TMPRSS9: variants seen among roughly 807,000 people sequenced by gnomAD.
The protein encoded by TMPRSS9 is transmembrane protease serine 9.
TMPRSS9 carries 113 observed loss-of-function variants against 111.4 expected under a neutral mutation model. The ratio of observed to expected loss-of-function variants is 1.01; its 90% CI spans 0.87 to 1.19. TMPRSS9 has a LOEUF of 1.19. TMPRSS9 is among the 50% of genes most tolerant of loss of function. TMPRSS9 has a pLI of 0.00. For synonymous variants in TMPRSS9, 805 were observed against 659.1 expected, an observed-to-expected ratio of 1.22 and a Z score of -3.39; for missense variants, 1,803 against 1,513.1, an observed-to-expected ratio of 1.19 and a Z score of -3.18.
chr19:2,406,382 A>G (rs1187931373), intron 7 of TMPRSS9, among the ~76,000 whole-genome samples: 1 of 150,788 alleles, frequency 6.6e-6, no homozygotes, highest in Non-Finnish European at 1.5e-5. Context: ...GCTGGAGTGC[A>G]GTGGTGCGAT....
chr19:2,418,262 CCTTGT>C (rs2145390950), intron 13 of TMPRSS9, 124 bp downstream of exon 14: 1 of 1,124,396 alleles, frequency 8.9e-7, no homozygotes, highest in Non-Finnish European at 1.2e-6. Context: ...CTCCTTCCCT[CCTTGT>C]CCTTCCCTCC....
chr19:2,360,449 G>A (rs1244363832), intron 1 of TMPRSS9, among the ~76,000 whole-genome samples, 89 bp downstream of exon 1: 3 of 152,204 alleles, frequency 2.0e-5, no homozygotes. Context: ...GGGCTGTTTG[G>A]TTGCCTCTGG....
chr19:2,396,511 C>A, intron 1 of TMPRSS9, 28 bp from the exon 3 acceptor site: 1 of 1,569,474 alleles, frequency 6.4e-7, no homozygotes, highest in Non-Finnish European at 8.7e-7. Flanking sequence ...AAGGTGGGCT[C>A]TCTCACGGGC....
At chr19:2,417,755 T>TA (rs1971283723) in intron 12 of TMPRSS9, among the ~76,000 whole-genome samples, 1 of 152,170 alleles carries the variant, frequency 6.6e-6, no homozygotes, top group South Asian at 2.1e-4. Context: ...AATGGCCTCC[T>TA]ACACCTTACC....
In TMPRSS9 at chr19:2,374,248, C is replaced by CTTTTTTTTT. The variant is rs1027376774; in HGVS notation, c.-26+13917_-26+13925dup. ...TTTCATGCTGATTTCTCTCAACAAT[C>CTTTTTTTTT]TTTTTTTTTTTTTTTTTTTTTTTTT... is the stretch of plus-strand genomic sequence containing the variant. On this transcript the variant is annotated intron_variant, in intron 1 of 17. Transcript: ENST00000649857. 9.9e-5 allele frequency among the ~76,000 whole-genome samples: 7 copies of CTTTTTTTTT among 70,398 alleles called. 1 individual carries two copies. The highest frequency in any genetic ancestry group is 1.4e-4 in the Non-Finnish European group (5 of 36,544). The allele number at this position is 70,398 out of a possible 152,430, so 46.2% of individuals were successfully genotyped here.
At chr19:2,365,544 G>C (rs1970241224) in intron 1 of TMPRSS9, among the ~76,000 whole-genome samples, 1 of 152,048 alleles carries the variant, frequency 6.6e-6, no homozygotes, top group East Asian at 1.9e-4. Flanking sequence ...GACCAAAGAT[G>C]CGGAATCGAA....
exon 5 of TMPRSS9, chr19:2,402,003 A>C: frequency 6.2e-7 from 1 of 1,612,110 alleles, no homozygotes. Context: ...TGGCAGAAAG[A>C]GACTTCAAAT....
At chr19:2,425,326 C>T (rs1230684767) in intron 16 of TMPRSS9, 31 bp from the exon 18 acceptor site, 16 of 1,379,810 alleles carry the variant, frequency 1.2e-5, no homozygotes, top group African/African-American at 1.5e-5. Flanking sequence ...ACGCGGTCCC[C>T]ACCCGCCCCG....
Position 2,402,080 on chromosome 19 carries a change from T to C in TMPRSS9, c.556+64T>C, listed in dbSNP as rs1568180445. Reference sequence around the variant, plus strand: ...ACTGACAGAGGTTTCCTAAGACTCATTTCAAGGAAGTGAAGGAATCCCTGG... The same window carrying C: ...ACTGACAGAGGTTTCCTAAGACTCACTTCAAGGAAGTGAAGGAATCCCTGG... On this transcript the variant is annotated intron_variant, in intron 5 of 17. Coordinates refer to ENST00000648592, the Ensembl canonical transcript of TMPRSS9. 4.5e-6 allele frequency: 7 copies of C among 1,554,194 alleles called. No homozygotes were observed. The Admixed American group carries it at 1.2e-4, about 27-fold the overall frequency.
At chr19:2,376,523 G>T (rs543291729) in intron 1 of TMPRSS9, among the ~76,000 whole-genome samples, 1 of 151,858 alleles carries the variant, frequency 6.6e-6, no homozygotes, top group Non-Finnish European at 1.5e-5. Flanking sequence ...GCAGTGGCAC[G>T]ACCTTGGCTC....
intron 3 of TMPRSS9, 54 bp from the exon 5 acceptor site, chr19:2,398,963 AT>A: frequency 6.4e-7 from 1 of 1,569,294 alleles, no homozygotes; most frequent in Non-Finnish European, 8.6e-7. Context: ...ATTCCAGAAG[AT>A]TCCAGCAGGG....
intron 1 of TMPRSS9, among the ~76,000 whole-genome samples, chr19:2,373,824 C>T (rs867201069): frequency 6.6e-5 from 10 of 152,226 alleles, no homozygotes; most frequent in African/African-American, 2.2e-4. Flanking sequence ...TTGCCGTACA[C>T]GTGGCCTAGG....
intron 6 of TMPRSS9, among the ~76,000 whole-genome samples, chr19:2,403,657 G>C (rs973046650): frequency 1.3e-5 from 2 of 150,036 alleles, no homozygotes; most frequent in African/African-American, 4.9e-5. Context: ...AGGAGTTTCA[G>C]ACCAGCCTGG....
intron 10 of TMPRSS9, among the ~76,000 whole-genome samples, chr19:2,415,246 TGCTTC>T (rs1971200404): frequency 6.6e-6 from 1 of 152,000 alleles, no homozygotes; most frequent in African/African-American, 2.4e-5. Context: ...CGCCCGGCCA[TGCTTC>T]ATTTCAGTTC....
At chr19:2,409,031 A>ATAATAATAATAG in intron 8 of TMPRSS9, among the ~76,000 whole-genome samples, 1 of 87,960 alleles carries the variant, frequency 1.1e-5, no homozygotes, top group Admixed American at 1.1e-4. Flanking sequence ...AATAATAATA[A>ATAATAATAATAG]TGATGATGCA....
At chr19:2,373,907 G>C (rs1195839716) in intron 1 of TMPRSS9, among the ~76,000 whole-genome samples, 4 of 152,170 alleles carry the variant, frequency 2.6e-5, no homozygotes, top group Non-Finnish European at 5.9e-5. Flanking sequence ...TATTCTTTAG[G>C]AAACTTGTCA....
intron 1 of TMPRSS9, among the ~76,000 whole-genome samples, chr19:2,370,854 C>T (rs1011277959): frequency 5.3e-5 from 8 of 151,940 alleles, no homozygotes; most frequent in South Asian, 2.1e-4. Context: ...CCCATCTACT[C>T]GGGAGGCTGA....
At chr19:2,425,681 C>A (rs905362065) in intron 17 of TMPRSS9, 188 bp downstream of exon 18, 2 of 1,252,678 alleles carry the variant, frequency 1.6e-6, no homozygotes, top group Admixed American at 6.6e-5. Flanking sequence ...CAACCCACCG[C>A]ATCCCATCCC....
chr19:2,366,585 C>T (rs941128175), intron 1 of TMPRSS9, among the ~76,000 whole-genome samples: 2 of 149,326 alleles, frequency 1.3e-5, no homozygotes, highest in Non-Finnish European at 3.0e-5. Flanking sequence ...GGGCTGGGTG[C>T]GGTGGCTCAC....
Sources: allele counts gnomAD v4.1 joint callset (sites outside exome capture counted in the v4.1 genomes callset), GRCh38; gene constraint gnomAD v4.1.1; transcripts MANE v1.5; gene names NCBI Gene and HGNC (gene_info 2026-07-23, HGNC 2026-07-21).